Variants in KCNC4 observed in about 807,000 individuals in gnomAD.
KCNC4 encodes the protein potassium voltage-gated channel subfamily C member 4.
KCNC4 carries 23 observed loss-of-function variants against 42.8 expected under a neutral mutation model. That is an observed-to-expected ratio of 0.54 (90% CI 0.39 to 0.76). The LOEUF is 0.76. Among genes scored for constraint, KCNC4 ranks in the 30% least tolerant of loss-of-function variants. The probability of loss-of-function intolerance (pLI) is 0.00; values close to 1 mark genes in which losing one functional copy is unlikely to be tolerated. For missense variants in KCNC4, 751 were observed against 898.2 expected (o/e 0.84, Z 2.10); for synonymous variants, 422 against 393.5 (o/e 1.07, Z -0.86).
chr1:110,240,051 G>A (rs895158755), exon 4 of KCNC4: 4 of 152,440 alleles, frequency 2.6e-5, no homozygotes, highest in African/African-American at 9.7e-5. Flanking sequence ...GAAAGAGGAA[G>A]AGGAGGGAGG....
intron 1 of KCNC4, among the ~76,000 whole-genome samples, chr1:110,261,970 A>G (rs1659463086): frequency 6.6e-6 from 1 of 152,252 alleles, no homozygotes; most frequent in Non-Finnish European, 1.5e-5. Context: ...TAAGGAAAAA[A>G]CATTTGAAAA....
chr1:110,212,216 G>GC (rs1359062939), intron 1 of KCNC4, 39 bp downstream of exon 1: 1 of 1,421,266 alleles, frequency 7.0e-7, no homozygotes, highest in East Asian at 2.7e-5. Flanking sequence ...TCTTGGGTCT[G>GC]CAAGGGGTCC....
At position 110,210,564 on chromosome 1, in the gene KCNC4, C is replaced by G. The variant is rs541422677; in HGVS notation, c.-936C>G. ...CTCCCTCTCCGCGCGGCCCGGGAAG[C>G]CTGCAGGTGTCCTTGGCCGCTCGGC... On this transcript the variant is annotated 5_prime_UTR_variant, in exon 1 of 4. Transcript: ENST00000438661. 2.6e-5 allele frequency among the ~76,000 whole-genome samples: 4 copies of G among 151,618 alleles called. No homozygotes were observed. The highest frequency in any genetic ancestry group is 5.9e-5 in the Non-Finnish European group (4 of 67,856).
exon 4 of KCNC4, chr1:110,242,837 A>T (rs983469498): frequency 2.6e-5 from 4 of 152,202 alleles, no homozygotes; most frequent in Non-Finnish European, 5.9e-5. Context: ...GATCTCACAG[A>T]TAGATTTCAC....
At chr1:110,275,659 A>T (rs1377066959) in intron 1 of KCNC4, among the ~76,000 whole-genome samples, 1 of 152,216 alleles carries the variant, frequency 6.6e-6, no homozygotes, top group Non-Finnish European at 1.5e-5. Context: ...ACGGAATACT[A>T]TTCAGCCACT....
At chr1:110,220,479 C>CTCCT (rs1658038455) in intron 1 of KCNC4, 1 of 144,238 alleles carries the variant, frequency 6.9e-6, no homozygotes, top group African/African-American at 2.5e-5. Context: ...CCCTCCCTCC[C>CTCCT]TCCCTCCCTC....
intron 1 of KCNC4, among the ~76,000 whole-genome samples, chr1:110,212,705 G>T (rs1290845477): frequency 6.6e-6 from 1 of 152,178 alleles, no homozygotes; most frequent in Admixed American, 6.5e-5. Flanking sequence ...GAGGATATAG[G>T]CTTCAGCATC....
rs371800321 is a variant in KCNC4 at position 110,222,960 on chromosome 1, A to G, written c.679-4A>G. The G allele has an allele frequency of 1.5e-4, 238 of 1,608,620 alleles. No homozygotes were observed. Among genetic ancestry groups the G allele is most frequent in the Non-Finnish European group, 2.0e-4 (232 of 1,176,238 alleles). ...TGCCCCCTGCTCTCCTCCCCTGCCC[A>G]TAGGTAGTGGCCTTTGCCTCTCTCT... On this transcript the variant is annotated splice_region_variant and splice_polypyrimidine_tract_variant and intron_variant, in intron 1 of 3. Coordinates refer to ENST00000438661, the MANE Select transcript of KCNC4 (RefSeq NM_001039574.3).
intron 1 of KCNC4, among the ~76,000 whole-genome samples, chr1:110,254,412 T>C (rs757937096): frequency 3.9e-5 from 6 of 152,196 alleles, no homozygotes; most frequent in African/African-American, 7.2e-5. Context: ...TGTTCCTTCA[T>C]TGCACCCACT....
chr1:110,248,202 G>A lies in KCNC4; in HGVS notation c.*15893G>A, dbSNP rs555538695. 12 of 152,300 alleles carry A rather than the reference G, an allele frequency of 7.9e-5. No homozygotes were observed. In the East Asian group the frequency reaches 2.3e-3, roughly 29 times the overall value. 9.4% of individuals were successfully genotyped at this position (152,300 alleles called of 1,614,324 possible). A position where few individuals can be genotyped will look rare whatever the true frequency, so the allele number is the denominator to read the frequency against. ...ATTGAACACTTGAAATGTGGCTAGT[G>A]CCTCATGTCAAAATGACAATATTTT... On this transcript the variant is annotated 3_prime_UTR_variant, in exon 4 of 4. Coordinates refer to the KCNC4 transcript ENST00000369787.
downstream of KCNC4, chr1:110,249,142 A>G (rs1259934807): frequency 6.6e-6 from 1 of 152,108 alleles, no homozygotes; most frequent in Non-Finnish European, 1.5e-5. Context: ...CAACTACATC[A>G]CTATGAAGAT....
At chr1:110,276,350 C>G (rs1037187685) in intron 1 of KCNC4, among the ~76,000 whole-genome samples, 49 of 142,930 alleles carry the variant, frequency 3.4e-4, no homozygotes, top group Admixed American at 1.0e-3. Flanking sequence ...GACCTTTATA[C>G]GTGAAGAATG....
downstream of KCNC4, among the ~76,000 whole-genome samples, chr1:110,254,104 C>A (rs974342375): frequency 1.6e-5 from 2 of 125,292 alleles, no homozygotes; most frequent in Non-Finnish European, 1.8e-5. Flanking sequence ...GGGGGGGCGG[C>A]GTTTCTGTTG....
chr1:110,246,128 T>A (rs1290172823), exon 4 of KCNC4: 1 of 152,204 alleles, frequency 6.6e-6, no homozygotes, highest in African/African-American at 2.4e-5. Context: ...CTGGGATTTC[T>A]CTGACCTCAT....
intron 1 of KCNC4, chr1:110,221,142 C>T (rs905516364): frequency 1.2e-4 from 19 of 152,238 alleles, no homozygotes; most frequent in Admixed American, 8.5e-4. Context: ...TAACTGGGAA[C>T]AGGATCAGTG....
At chr1:110,268,512 G>C (rs996020411) in intron 1 of KCNC4, among the ~76,000 whole-genome samples, 8 of 151,114 alleles carry the variant, frequency 5.3e-5, no homozygotes, top group African/African-American at 1.9e-4. Flanking sequence ...AGGCTGAGGC[G>C]GGAGAATGGC....
At chr1:110,215,544 T>C (rs1414264253) in intron 1 of KCNC4, among the ~76,000 whole-genome samples, 1 of 152,216 alleles carries the variant, frequency 6.6e-6, no homozygotes, top group Non-Finnish European at 1.5e-5. Flanking sequence ...GCTATCAGCC[T>C]TATTAAGGAT....
intron 1 of KCNC4, chr1:110,220,104 TGA>T (rs1658009958): frequency 6.6e-6 from 1 of 152,266 alleles, no homozygotes; most frequent in African/African-American, 2.4e-5. Flanking sequence ...AGCTTTGAGC[TGA>T]GAGTCAGGAG....
At chr1:110,276,059 A>G (rs1436940458) in intron 1 of KCNC4, among the ~76,000 whole-genome samples, 1 of 152,076 alleles carries the variant, frequency 6.6e-6, no homozygotes, top group African/African-American at 2.4e-5. Context: ...ACAAATTCAA[A>G]TACCATATGT....
Sources: gnomAD v4.1 joint callset for allele counts (sites outside exome capture counted in the v4.1 genomes callset) on GRCh38, gnomAD v4.1.1 for gene constraint, MANE v1.5 for transcripts, NCBI Gene and HGNC (gene_info 2026-07-23, HGNC 2026-07-21) for gene names.